ODAD3: variants seen among roughly 807,000 people sequenced by gnomAD.
The protein encoded by ODAD3 is outer dynein arm-docking complex subunit 3.
In ODAD3, 57 loss-of-function variants were observed where a neutral mutation model predicts 70.9. That is an observed-to-expected ratio of 0.80 (90% confidence interval 0.65 to 1.00). The LOEUF is 1.00. Ranked by LOEUF, ODAD3 falls within the 50% of genes least tolerant of loss-of-function variation. The pLI is 0.00. For missense variants in ODAD3, 797 were observed against 763.9 expected, an observed-to-expected ratio of 1.04 and a Z score of -0.51; for synonymous variants, 327 against 315.9, an observed-to-expected ratio of 1.04 and a Z score of -0.37.
Position 11,423,522 on chromosome 19 carries a change from G to C in ODAD3, c.1116+355C>G, listed in dbSNP as rs141768088. On this transcript the variant is annotated intron_variant, in intron 8 of 12. Coordinates refer to ENST00000356392, the MANE Select transcript of ODAD3 (RefSeq NM_145045.5). ...AGGATGGTACTGGGCGGTCCACTGG[G>C]TCCCAGACCATGTTACAGACACTGG... 1.6e-3 allele frequency among the ~76,000 whole-genome samples: 249 copies of C among 152,272 alleles called. 3 individuals carry two copies. Among genetic ancestry groups the C allele is most frequent in the South Asian group, 3.5e-3 (17 of 4,830 alleles).
chr19:11,433,232 G>A (rs1969538107), intron 1 of ODAD3, among the ~76,000 whole-genome samples: 2 of 151,974 alleles, frequency 1.3e-5, no homozygotes, highest in Admixed American at 1.3e-4. Flanking sequence ...AGAATGTTGG[G>A]CAGCATCTTC....
intron 8 of ODAD3, 55 bp downstream of exon 8, chr19:11,423,822 G>A: frequency 6.7e-7 from 1 of 1,487,394 alleles, no homozygotes; most frequent in Non-Finnish European, 9.1e-7. Context: ...GCACCCCTGG[G>A]GCCCGTCTGG....
chr19:11,426,488 G>T lies in ODAD3; in HGVS notation c.798C>A (p.His266Gln), dbSNP rs374243615. The T allele has an allele frequency of 1.9e-6, 3 of 1,613,954 alleles. No homozygotes were observed. The African/African-American group carries it at 4.0e-5, about 22-fold the overall frequency. ...CATTGAGGGCCTCTTGGTTCACCAC[G>T]TGCAGTGCCTCCAGCTCATGTTTGG... is the stretch of plus-strand genomic sequence containing the variant. ...VRTKHELEAL[H>Q]VVNQEALNAR... is the part of the protein sequence containing the mutation. Residue 266 changes from histidine (H) to glutamine (Q), a missense_variant, in exon 6 of 13, where the codon CAC becomes CAA. Coordinates refer to ENST00000356392, the MANE Select transcript of ODAD3 (RefSeq NM_145045.5).
rs1436703780 is a variant in ODAD3, at chr19:11,425,219, ATATG to A, written c.963+921_963+924del. Among the ~76,000 whole-genome samples, 7 of 133,296 alleles carry A rather than the reference ATATG, an allele frequency of 5.3e-5. 1 individual carries two copies. The East Asian group carries it at 1.2e-3, about 22-fold the overall frequency. The allele number at this position is 133,296 out of a possible 152,430, so 87.4% of individuals were successfully genotyped here. On this transcript the variant is annotated intron_variant, in intron 7 of 12. Transcript: ENST00000356392. Reference sequence around the variant, plus strand: ...TATGTGTATGTGTACATATGTGTATATATGTGTGTATATGTACATATGTGTATAT... The same window carrying A: ...TATGTGTATGTGTACATATGTGTATATGTGTATATGTACATATGTGTATAT...
intron 3 of ODAD3, among the ~76,000 whole-genome samples, chr19:11,429,282 G>C (rs1223639924): frequency 6.6e-6 from 1 of 151,802 alleles, no homozygotes; most frequent in Non-Finnish European, 1.5e-5. Flanking sequence ...ACCAGTCTCA[G>C]CTCACTGCAA....
At chr19:11,420,976 G>C in intron 12 of ODAD3, 29 bp from the exon 13 acceptor site, 1 of 1,603,896 alleles carries the variant, frequency 6.2e-7, no homozygotes, top group East Asian at 2.2e-5. Context: ...TGAGCAGGGA[G>C]CGATGTGGGA....
Position 11,424,991 on chromosome 19 carries a change from ATATGTG to A in ODAD3, c.964-968_964-963del, listed in dbSNP as rs1200456531. On this transcript the variant is annotated intron_variant, in intron 7 of 12. Coordinates refer to ENST00000356392, the MANE Select transcript of ODAD3 (RefSeq NM_145045.5). ...TATATGTATATATGTGTATATGTAC[ATATGTG>A]TATATGTATATATGTGTATATATAC... Among the ~76,000 whole-genome samples the A allele has an allele frequency of 1.3e-4, 17 of 131,384 alleles. 1 individual carries two copies. The highest frequency in any genetic ancestry group is 1.9e-4 in the Non-Finnish European group (12 of 64,382). The allele number at this position is 131,384 out of a possible 152,430, so 86.2% of individuals were successfully genotyped here.
chr19:11,421,773 G>A lies in ODAD3; in HGVS notation c.1494C>T (p.Asn498=). ...GCTTTTCCTCCACGAGGCCCAGCAG[G>A]TTTGGCACATAGTTATCTGCCTGGG... ...LDPQADNYVP[N]LLGLVEEKLL... The change falls in exon 11 of 13, where the codon AAC becomes AAT. Residue 498 remains asparagine, a synonymous_variant. Transcript: ENST00000356392. 1 of 1,613,438 alleles carries A rather than the reference G, an allele frequency of 6.2e-7. No homozygotes were observed. The highest frequency in any genetic ancestry group is 8.5e-7 in the Non-Finnish European group (1 of 1,180,000).
At chr19:11,435,653 G>C (rs1008011503), upstream of ODAD3, 2 of 1,283,880 alleles carry the variant, frequency 1.6e-6, no homozygotes, top group Non-Finnish European at 2.0e-6. Context: ...AGCAGGAACC[G>C]CGGCTGCTGG....
chr19:11,422,792 C>A lies in ODAD3; in HGVS notation c.1186G>T (p.Glu396Ter), dbSNP rs775961256. ...TGCTTCAGCCTCACCAACGTCTGCT[C>A]GTTCTCGCTCTTGAGCGTCTCCAAC... ...AQLETLKSENEQTLVRLKQEK... is the reference protein window; with the variant it reads ...AQLETLKSEN The change falls in exon 9 of 13, where the codon GAG becomes TAG. Residue 396 changes from glutamate (E) to a stop codon, truncating the protein, a stop_gained. Coordinates refer to ENST00000356392, the MANE Select transcript of ODAD3 (RefSeq NM_145045.5). LOFTEE classifies it high-confidence loss of function. This position sits in a 1 kb window ranked among gnomAD's most constrained non-coding sequence, Gnocchi z 4.6. 6.2e-7 allele frequency: 1 copy of A among 1,610,698 alleles called. No individual in the cohort carries two copies. The highest frequency in any genetic ancestry group is 8.5e-7 in the Non-Finnish European group (1 of 1,179,918).
At chr19:11,425,697 TACA>T (rs1198680112) in intron 7 of ODAD3, among the ~76,000 whole-genome samples, 2 of 133,826 alleles carry the variant, frequency 1.5e-5, no homozygotes, top group African/African-American at 3.6e-5. Flanking sequence ...AAACAACAAC[TACA>T]ACAACAACAA....
chr19:11,420,951 AG>A lies in ODAD3; in HGVS notation c.1676-5del, dbSNP rs1339137020. 1.5e-6 allele frequency: 2 copies of A among 1,367,166 alleles called. No individual in the cohort carries two copies. Among genetic ancestry groups the A allele is most frequent in the Non-Finnish European group, 2.1e-6 (2 of 956,688 alleles). The allele number at this position is 1,367,166 out of a possible 1,614,324, so 84.7% of individuals were successfully genotyped here. The stretch of plus-strand genomic sequence containing the variant: ...TCCTCCTCCTCACTCTCTTCGTCTA[AG>A]GGGGGTGGGGGGATGAGCAGGGAGC... On this transcript the variant is annotated splice_polypyrimidine_tract_variant and splice_region_variant and intron_variant, in intron 12 of 12. Coordinates refer to ENST00000356392, the MANE Select transcript of ODAD3 (RefSeq NM_145045.5).
intron 7 of ODAD3, among the ~76,000 whole-genome samples, chr19:11,425,632 T>G (rs1374275712): frequency 1.5e-5 from 2 of 129,860 alleles, no homozygotes; most frequent in South Asian, 2.1e-4. Context: ...TATGCATATA[T>G]GTATATATAT....
chr19:11,423,666 T>A (rs540752804), intron 8 of ODAD3, among the ~76,000 whole-genome samples: 2 of 152,092 alleles, frequency 1.3e-5, no homozygotes, highest in Middle Eastern at 3.4e-3. Flanking sequence ...AGACAGCTCC[T>A]AGGGGTTTTG....
chr19:11,433,766 AAAGT>A (rs2144785996), intron 1 of ODAD3, among the ~76,000 whole-genome samples: 1 of 152,202 alleles, frequency 6.6e-6, no homozygotes, highest in East Asian at 1.9e-4. Flanking sequence ...ATCTCTACAA[AAAGT>A]AAGAAAATTA....
In ODAD3 at chr19:11,435,094, C is replaced by G; in HGVS notation, c.-78G>C. The G allele has an allele frequency of 6.6e-7, 1 of 1,516,096 alleles. No homozygotes were observed. The highest frequency in any genetic ancestry group is 8.8e-7 in the Non-Finnish European group (1 of 1,138,114). The allele number at this position is 1,516,096 out of a possible 1,614,324, so 93.9% of individuals were successfully genotyped here. A position where few individuals can be genotyped will look rare whatever the true frequency, so the allele number is the denominator to read the frequency against. ...GTCGCCCCTGTCAGGGATCCGTCAG[C>G]TCGGATTCCTAGGGCTCTGAAAAAT... On this transcript the variant is annotated 5_prime_UTR_variant, in exon 1 of 13. Transcript: ENST00000356392.
chr19:11,430,693 G>A lies in ODAD3; in HGVS notation c.444+6C>T, dbSNP rs776528844. 6.2e-7 allele frequency: 1 copy of A among 1,613,966 alleles called. No individual in the cohort carries two copies. Among genetic ancestry groups the A allele is most frequent in the Non-Finnish European group, 8.5e-7 (1 of 1,179,922 alleles). On this transcript the variant is annotated splice_donor_region_variant and intron_variant, in intron 3 of 12. Coordinates refer to ENST00000356392, the MANE Select transcript of ODAD3 (RefSeq NM_145045.5). ...GAAGGAGGAGGTGGGGCGAGGGTGG[G>A]CAAACCTGTCCTGTCCTGTTCTTCA...
chr19:11,425,565 GTGTATGTATGTA>G (rs1178689225), intron 7 of ODAD3, among the ~76,000 whole-genome samples: 1 of 127,442 alleles, frequency 7.8e-6, no homozygotes, highest in Non-Finnish European at 1.5e-5. Context: ...GTATATATGT[GTGTATGTATGTA>G]TATATGTATG....
At chr19:11,429,592 T>A (rs910178041) in intron 3 of ODAD3, among the ~76,000 whole-genome samples, 18 of 151,980 alleles carry the variant, frequency 1.2e-4, no homozygotes, top group Middle Eastern at 3.4e-3. Context: ...GTATTTTTAG[T>A]AAAAACAGGG....
Sources: gnomAD v4.1 joint callset for allele counts (sites outside exome capture counted in the v4.1 genomes callset) on GRCh38, gnomAD v4.1.1 for gene constraint, Gnocchi (gnomAD v3.1) non-coding constraint, MANE v1.5 for transcripts, NCBI Gene and HGNC (gene_info 2026-07-23, HGNC 2026-07-21) for gene names.